The following UBA2 variants were observed in gnomAD, a reference collection of about 807,000 sequenced individuals.
UBA2 encodes the protein ubiquitin like modifier activating enzyme 2, also known as SUMO-activating enzyme subunit 2.
UBA2 carries 11 observed loss-of-function variants against 77.2 expected under a neutral mutation model. The observed-to-expected ratio is 0.14, with a 90% confidence interval of 0.09 to 0.24. UBA2 has a LOEUF of 0.24. Among genes scored for constraint, UBA2 ranks in the 10% least tolerant of loss-of-function variants. The probability of loss-of-function intolerance (pLI) is 1.00; values close to 1 mark genes in which losing one functional copy is unlikely to be tolerated. For synonymous variants in UBA2, 278 were observed against 276.7 expected (o/e 1.00, Z -0.05); for missense variants, 487 against 781.7 (o/e 0.62, Z 4.50).
intron 15 of UBA2, among the ~76,000 whole-genome samples, chr19:34,465,262 C>T (rs1163570927): frequency 6.6e-6 from 1 of 152,148 alleles, no homozygotes; most frequent in African/African-American, 2.4e-5. Flanking sequence ...TCAATATTTT[C>T]ATGAGTATAC....
At chr19:34,465,711 G>A (rs1046103212) in intron 15 of UBA2, among the ~76,000 whole-genome samples, 1 of 152,016 alleles carries the variant, frequency 6.6e-6, no homozygotes, top group Non-Finnish European at 1.5e-5. Context: ...GTTAGATAAT[G>A]GAGTCAAAGT....
Position 34,453,443 on chromosome 19 carries a change from T to A in UBA2, c.1039-817T>A, listed in dbSNP as rs150633364. Among the ~76,000 whole-genome samples the A allele has an allele frequency of 1.3e-3, 194 of 151,644 alleles. 1 individual carries two copies. Among genetic ancestry groups the A allele is most frequent in the African/African-American group, 3.3e-3 (137 of 41,340 alleles). On this transcript the variant is annotated intron_variant, in intron 10 of 16. Transcript: ENST00000246548. Reference sequence around the variant, plus strand: ...AGAAACAGCATATGTGAGAGAGTGGTGCATATGAAGAGAGTTTGGCAAAGG... The same window carrying A: ...AGAAACAGCATATGTGAGAGAGTGGAGCATATGAAGAGAGTTTGGCAAAGG...
chr19:34,441,425 A>C (rs1417089058), intron 6 of UBA2, among the ~76,000 whole-genome samples: 5 of 152,282 alleles, frequency 3.3e-5, no homozygotes, highest in Non-Finnish European at 4.4e-5. Flanking sequence ...ACTGCACTCC[A>C]GCCTGGGCGA....
intron 6 of UBA2, among the ~76,000 whole-genome samples, chr19:34,442,300 T>G (rs1322330748): frequency 6.6e-6 from 1 of 152,214 alleles, no homozygotes; most frequent in East Asian, 1.9e-4. Context: ...GAAACCTAAA[T>G]AAGCAATAAG....
chr19:34,440,902 G>C lies in UBA2; in HGVS notation c.581+2136G>C, dbSNP rs573090743. Among the ~76,000 whole-genome samples the C allele has an allele frequency of 4.1e-3, 604 of 148,420 alleles. 5 individuals are homozygous for C. The highest frequency in any genetic ancestry group is 0.015 in the African/African-American group (585 of 39,904). ...GATCGCTCTGCTGCGCTCCAGCCTG[G>C]GCAACAGAGCAAGACTCCATCTCAA... On this transcript the variant is annotated intron_variant, in intron 6 of 16. Coordinates refer to ENST00000246548, the MANE Select transcript of UBA2 (RefSeq NM_005499.3).
rs748354405 is a variant in UBA2 at position 34,431,947 on chromosome 19, T to C, written c.293+16T>C. 4 of 1,466,266 alleles carry C rather than the reference T, an allele frequency of 2.7e-6. No individual in the cohort carries two copies. In the African/African-American group the frequency reaches 8.8e-5, roughly 32 times the overall value. The allele number at this position is 1,466,266 out of a possible 1,614,324, so 90.8% of individuals were successfully genotyped here. A position where few individuals can be genotyped will look rare whatever the true frequency, so the allele number is the denominator to read the frequency against. On this transcript the variant is annotated intron_variant, in intron 3 of 16. Coordinates refer to ENST00000246548, the MANE Select transcript of UBA2 (RefSeq NM_005499.3). ...GCATCATGAAGTATGCTATAGTGAT[T>C]ACATTGCAAAGTTGTATAAGGGTTT...
At chr19:34,454,767 C>G (rs1232494720) in intron 12 of UBA2, among the ~76,000 whole-genome samples, 1 of 152,182 alleles carries the variant, frequency 6.6e-6, no homozygotes, top group Non-Finnish European at 1.5e-5. Flanking sequence ...TTGCTTTTAA[C>G]ATTTCCAATT....
chr19:34,430,388 A>T (rs574929809), intron 1 of UBA2, among the ~76,000 whole-genome samples, 188 bp from the exon 2 acceptor site: 2 of 152,324 alleles, frequency 1.3e-5, no homozygotes, highest in South Asian at 2.1e-4. Context: ...TCTGACATTA[A>T]ATCTAGATTC....
In UBA2 at chr19:34,445,115, T is replaced by C. The variant is rs138988183; in HGVS notation, c.765T>C (p.Phe255=). 6.3e-5 allele frequency: 101 copies of C among 1,610,542 alleles called. No individual in the cohort carries two copies. Among genetic ancestry groups the C allele is most frequent in the Non-Finnish European group, 5.0e-5 (59 of 1,178,934 alleles). The change falls in exon 8 of 17, where the codon TTT becomes TTC. Residue 255 remains phenylalanine (F), a synonymous_variant. Coordinates refer to ENST00000246548, the MANE Select transcript of UBA2 (RefSeq NM_005499.3). ...KSTGYDPVKL[F]TKLFKDDIRY... is the part of the protein sequence containing the mutation. ...CTGGATATGATCCAGTTAAACTTTT[T>C]ACCAAGGTTAGATTTACTTTTTTTA...
At chr19:34,434,009 A>G (rs913402198) in intron 4 of UBA2, among the ~76,000 whole-genome samples, 2 of 152,006 alleles carry the variant, frequency 1.3e-5, no homozygotes, top group Non-Finnish European at 2.9e-5. Context: ...CTTGAGTGAT[A>G]TTCTTTGTCT....
chr19:34,428,600 C>T (rs756529151), intron 1 of UBA2, 30 bp downstream of exon 1: 8 of 1,063,948 alleles, frequency 7.5e-6, no homozygotes, highest in Non-Finnish European at 9.2e-6. Flanking sequence ...GCGTGAATGG[C>T]GGGCTGTGGT....
At chr19:34,444,778 G>C (rs2075410523) in intron 7 of UBA2, among the ~76,000 whole-genome samples, 1 of 152,230 alleles carries the variant, frequency 6.6e-6, no homozygotes, top group African/African-American at 2.4e-5. Flanking sequence ...CTGCACTCCA[G>C]CCTGGGCAAC....
chr19:34,454,661 T>A, intron 12 of UBA2, 105 bp downstream of exon 12: 1 of 595,888 alleles, frequency 1.7e-6, no homozygotes, highest in Non-Finnish European at 2.6e-6. Flanking sequence ...AAAATTGGTT[T>A]AAAGCAATGG....
intron 16 of UBA2, among the ~76,000 whole-genome samples, chr19:34,468,167 C>T (rs771579414): frequency 6.6e-6 from 1 of 152,148 alleles, no homozygotes; most frequent in Non-Finnish European, 1.5e-5. Flanking sequence ...CTAAAGGTTA[C>T]CAGATTTTGA....
At chr19:34,468,934 C>T (rs1215716043) in intron 16 of UBA2, 106 bp from the exon 17 acceptor site, 6 of 839,982 alleles carry the variant, frequency 7.1e-6, no homozygotes, top group Non-Finnish European at 1.0e-5. Context: ...ATTCTTAAGT[C>T]TGGTGTGTAT....
At position 34,454,336 on chromosome 19, in the gene UBA2, G is replaced by A; in HGVS notation, c.1115G>A (p.Ser372Asn). The stretch of plus-strand genomic sequence containing the variant: ...CATATTTTCAGTATGAATATGAAGA[G>A]TAGATTTGATATCAAATGTAAGTTA... ...RMHIFSMNMK[S>N]RFDIKSMAGN... Residue 372 changes from serine to asparagine, a missense_variant, in exon 11 of 17, where the codon AGT (serine) becomes AAT (asparagine). By Grantham distance (46) the Ser-to-Asn change is conservative. This residue lies in a region of UBA2 where 300 missense variants were observed against 454.3 expected (regional missense o/e 0.66). Transcript: ENST00000246548. The A allele has an allele frequency of 6.2e-7, 1 of 1,611,298 alleles. No homozygotes were observed. The highest frequency in any genetic ancestry group is 8.5e-7 in the Non-Finnish European group (1 of 1,179,124).
chr19:34,466,919 A>G lies in UBA2; in HGVS notation c.1646A>G (p.Asp549Gly), dbSNP rs2075694215. ...GKDVEFEVVGDAPEKVGPKQA... is the reference protein window; with the variant it reads ...GKDVEFEVVGGAPEKVGPKQA... ...GACGTTGAATTTGAAGTTGTTGGTG[A>G]TGCCCCGGAAAAAGTGGGGCCCAAA... The change falls in exon 16 of 17, where the codon GAT (aspartate) becomes GGT (glycine). Residue 549 changes from aspartate to glycine, a missense_variant. Around this residue, in one of 9 missense-constraint regions of UBA2, gnomAD observed 300 missense variants for 454.3 expected, o/e 0.66. Transcript: ENST00000246548. 6.2e-7 allele frequency: 1 copy of G among 1,613,814 alleles called. No homozygotes were observed. The highest frequency in any genetic ancestry group is 2.2e-5 in the East Asian group (1 of 44,874).
rs753102681 is a variant in UBA2 at position 34,460,562 on chromosome 19, G to A, written c.1494G>A (p.Thr498=). ...TAATATCTTCCGAAGAGGGAGAGAC[G>A]GAAGGTATCATACATTGTATTTATT... ...TILISSEEGE[T]EANNHKKLSE... Residue 498 remains threonine (T), a synonymous_variant, in exon 14 of 17, where the codon ACG becomes ACA. Coordinates refer to ENST00000246548, the MANE Select transcript of UBA2 (RefSeq NM_005499.3). 157 of 1,602,520 alleles carry A rather than the reference G, an allele frequency of 9.8e-5. No individual in the cohort carries two copies. The highest frequency in any genetic ancestry group is 1.3e-4 in the Non-Finnish European group (154 of 1,173,082).
intron 2 of UBA2, 151 bp from the exon 3 acceptor site, chr19:34,431,710 C>T (rs1277896126): frequency 3.0e-6 from 2 of 662,652 alleles, no homozygotes; most frequent in Non-Finnish European, 5.2e-6. Context: ...GTAGCTTAAC[C>T]CTAATGCAAT....
Sources: allele counts gnomAD v4.1 joint callset (sites outside exome capture counted in the v4.1 genomes callset), GRCh38; gene constraint gnomAD v4.1.1; regional missense constraint gnomAD v4.1.1; transcripts MANE v1.5; gene names NCBI Gene and HGNC (gene_info 2026-07-23, HGNC 2026-07-21).